The following RHOT1 variants were observed in gnomAD, a reference collection of about 807,000 sequenced individuals.
RHOT1 encodes the protein mitochondrial Rho GTPase 1.
In RHOT1, 27 loss-of-function variants were observed where a neutral mutation model predicts 95.3. The ratio of observed to expected loss-of-function variants is 0.28; its 90% CI spans 0.21 to 0.39. RHOT1 has a LOEUF of 0.39. Among genes scored for constraint, RHOT1 ranks in the 10% least tolerant of loss-of-function variants. The pLI is 1.00. For missense variants in RHOT1, 578 were observed against 786.7 expected (o/e 0.73, Z 3.17); for synonymous variants, 227 against 263.5 (o/e 0.86, Z 1.34).
At chr17:32,209,959 T>A (rs1260587963) in intron 18 of RHOT1, among the ~76,000 whole-genome samples, 2 of 151,608 alleles carry the variant, frequency 1.3e-5, no homozygotes, top group East Asian at 1.9e-4. Context: ...GAAAAAAAAA[T>A]GAAAAAGGAA....
intron 8 of RHOT1, among the ~76,000 whole-genome samples, chr17:32,187,447 G>C (rs1338158255): frequency 6.6e-6 from 1 of 151,978 alleles, no homozygotes; most frequent in East Asian, 1.9e-4. Flanking sequence ...CTGTTTGTCG[G>C]GAGAGGTATT....
intron 1 of RHOT1, among the ~76,000 whole-genome samples, chr17:32,145,509 TC>T (rs1163023607): frequency 1.3e-5 from 2 of 152,194 alleles, no homozygotes; most frequent in African/African-American, 4.8e-5. Context: ...CCAAACTACT[TC>T]AAAATTCCAC....
At chr17:32,185,098 CTTTTCTT>C (rs963438577) in intron 8 of RHOT1, among the ~76,000 whole-genome samples, 2 of 151,530 alleles carry the variant, frequency 1.3e-5, no homozygotes, top group Non-Finnish European at 2.9e-5. Flanking sequence ...TTTTCTTTTT[CTTTTCTT>C]TTTTCTTTTT....
chr17:32,142,952 C>T (rs984798480), intron 1 of RHOT1: 23 of 715,456 alleles, frequency 3.2e-5, no homozygotes, highest in Admixed American at 1.8e-4. Context: ...CACCTGGGCC[C>T]TCCAGAGATC....
intron 19 of RHOT1, among the ~76,000 whole-genome samples, chr17:32,223,969 G>A (rs576991704): frequency 6.6e-6 from 1 of 152,228 alleles, no homozygotes; most frequent in East Asian, 1.9e-4. Context: ...ATTACGTTAT[G>A]TCTGTTAGTT....
chr17:32,144,962 C>T (rs2031078931), intron 1 of RHOT1, among the ~76,000 whole-genome samples: 1 of 151,894 alleles, frequency 6.6e-6, no homozygotes, highest in African/African-American at 2.4e-5. Context: ...CACTGCACTT[C>T]AGCCCAGGTG....
rs2034765793 is a variant in RHOT1, at chr17:32,173,721, AAAG to A, written c.97-107_97-105del. The A allele has an allele frequency of 2.8e-5, 22 of 778,134 alleles. No homozygotes were observed. The South Asian group carries it at 3.4e-4, about 12-fold the overall frequency. The allele number at this position is 778,134 out of a possible 1,614,324, so 48.2% of individuals were successfully genotyped here. A position where few individuals can be genotyped will look rare whatever the true frequency, so the allele number is the denominator to read the frequency against. On this transcript the variant is annotated intron_variant, in intron 2 of 19. Coordinates refer to ENST00000545287, the MANE Select transcript of RHOT1 (RefSeq NM_001033566.3). ...GAGTGAGACTCCATTAAAAAAAAAA[AAAG>A]AAAAGAAACACTCAACCTGTGTAGA...
At chr17:32,222,953 C>G (rs1326860706) in intron 19 of RHOT1, 1 of 881,048 alleles carries the variant, frequency 1.1e-6, no homozygotes, top group African/African-American at 1.8e-5. Flanking sequence ...GCTTGAAAAA[C>G]CTAAGCATTT....
intron 19 of RHOT1, 110 bp downstream of exon 19, chr17:32,211,348 C>T: frequency 1.0e-6 from 1 of 962,112 alleles, no homozygotes; most frequent in Non-Finnish European, 1.4e-6. Context: ...CTGACTGATG[C>T]CCAACTAACT....
At chr17:32,149,627 A>ATGTGTGTGTGTGTGTGTGTGTGTG (rs1488563031) in intron 1 of RHOT1, among the ~76,000 whole-genome samples, 1 of 87,216 alleles carries the variant, frequency 1.1e-5, no homozygotes, top group Non-Finnish European at 2.3e-5. Flanking sequence ...ATATATATAT[A>ATGTGTGTGTGTGTGTGTGTGTGTG]TATATATATG....
At chr17:32,210,076 C>T (rs2038022973) in intron 18 of RHOT1, among the ~76,000 whole-genome samples, 1 of 151,980 alleles carries the variant, frequency 6.6e-6, no homozygotes, top group Non-Finnish European at 1.5e-5. Flanking sequence ...CCACCATGTG[C>T]TGTGGTCTCA....
chr17:32,182,997 C>T, intron 7 of RHOT1, 132 bp downstream of exon 7: 5 of 753,974 alleles, frequency 6.6e-6, no homozygotes, highest in Non-Finnish European at 1.1e-5. Context: ...CCAAATAAAA[C>T]AGAGAAGTTG....
rs148919780 is a variant in RHOT1 at position 32,153,475 on chromosome 17, A to T, written c.37+10746A>T. ...GAAGTTTGAGACCAGTCTGGGGAACATAATGAGAACCTATCTGTACAAACA... is the reference window on the plus strand; with the variant it reads ...GAAGTTTGAGACCAGTCTGGGGAACTTAATGAGAACCTATCTGTACAAACA... On this transcript the variant is annotated intron_variant, in intron 1 of 19. Coordinates refer to ENST00000545287, the MANE Select transcript of RHOT1 (RefSeq NM_001033566.3). 4.8e-3 allele frequency among the ~76,000 whole-genome samples: 738 copies of T among 152,338 alleles called. 7 individuals are homozygous for T. Among genetic ancestry groups the T allele is most frequent in the African/African-American group, 0.017 (709 of 41,584 alleles).
At chr17:32,206,190 A>ATTTTTTT (rs2037710072) in intron 16 of RHOT1, among the ~76,000 whole-genome samples, 1 of 122,504 alleles carries the variant, frequency 8.2e-6, no homozygotes, top group African/African-American at 3.4e-5. Context: ...CTTCCATAGA[A>ATTTTTTT]TCTTTTTTTT....
At chr17:32,145,780 C>T (rs867809009) in intron 1 of RHOT1, among the ~76,000 whole-genome samples, 2 of 151,952 alleles carry the variant, frequency 1.3e-5, no homozygotes, top group Non-Finnish European at 2.9e-5. Context: ...TTTGGGAGGC[C>T]GAGGCAGGTG....
At position 32,146,257 on chromosome 17, in the gene RHOT1, G is replaced by T. The variant is rs1050341268; in HGVS notation, c.37+3528G>T. Among the ~76,000 whole-genome samples, 44 of 152,120 alleles carry T rather than the reference G, an allele frequency of 2.9e-4. 1 individual carries two copies. Among genetic ancestry groups the T allele is most frequent in the South Asian group, 2.1e-4 (1 of 4,828 alleles). On this transcript the variant is annotated intron_variant, in intron 1 of 19. Transcript: ENST00000545287. ...GAAAAGAATCATCATGAAGGCAGGGGATTTGTCTTCCTTCTTGCTGTATCC... is the reference window on the plus strand; with the variant it reads ...GAAAAGAATCATCATGAAGGCAGGGTATTTGTCTTCCTTCTTGCTGTATCC...
intron 14 of RHOT1, among the ~76,000 whole-genome samples, chr17:32,202,501 A>G (rs1011654563): frequency 7.2e-5 from 11 of 152,166 alleles, no homozygotes; most frequent in Non-Finnish European, 1.6e-4. Flanking sequence ...AAAATATACT[A>G]TTTTATGATG....
At chr17:32,152,042 A>G (rs1391645064) in intron 1 of RHOT1, among the ~76,000 whole-genome samples, 1 of 152,212 alleles carries the variant, frequency 6.6e-6, no homozygotes, top group Non-Finnish European at 1.5e-5. Context: ...ATTCTTTTCC[A>G]GATAAGGCAG....
chr17:32,155,148 G>A (rs1423555678), intron 1 of RHOT1, among the ~76,000 whole-genome samples: 2 of 152,074 alleles, frequency 1.3e-5, no homozygotes, highest in Non-Finnish European at 2.9e-5. Context: ...TGTGTTGTTA[G>A]CATTAAATGC....
Sources: gnomAD v4.1 joint callset for allele counts (sites outside exome capture counted in the v4.1 genomes callset) on GRCh38, gnomAD v4.1.1 for gene constraint, MANE v1.5 for transcripts, NCBI Gene and HGNC (gene_info 2026-07-23, HGNC 2026-07-21) for gene names.